Variants in LUZP2 observed in about 807,000 individuals in gnomAD.
The protein encoded by LUZP2 is leucine zipper protein 2.
A neutral mutation model predicts 51.6 loss-of-function variants in LUZP2; 52 were observed. The observed-to-expected ratio is 1.01, with a 90% CI of 0.81 to 1.27. The LOEUF is 1.27. Ranked by LOEUF, LUZP2 falls within the 50% of genes most tolerant of loss-of-function variation. The probability of loss-of-function intolerance (pLI) is 0.00; values close to 1 mark genes in which losing one functional copy is unlikely to be tolerated. For missense variants in LUZP2, 436 were observed against 395.4 expected (o/e 1.10, Z -0.87); for synonymous variants, 154 against 137.3 (o/e 1.12, Z -0.85).
chr11:24,555,139 C>T (rs146875479), intron 1 of LUZP2, among the ~76,000 whole-genome samples: 62 of 151,876 alleles, frequency 4.1e-4, no homozygotes, highest in African/African-American at 1.4e-3. Flanking sequence ...CAGCTTATTT[C>T]GAGAAATATT....
At position 24,732,273 on chromosome 11, in the gene LUZP2, T is replaced by C. The variant is rs184299284; in HGVS notation, c.251+85T>C. 9.6e-5 allele frequency: 89 copies of C among 925,842 alleles called. 1 individual carries two copies. In the Middle Eastern group the frequency reaches 1.8e-3, roughly 19 times the overall value. The allele number at this position is 925,842 out of a possible 1,614,324, so 57.4% of individuals were successfully genotyped here. ...CTTCACAAAATTTATTGATTCTAAA[T>C]ATATGAACCTATTTATCTTTTCACT... On this transcript the variant is annotated intron_variant, in intron 3 of 11. Transcript: ENST00000336930.
intron 10 of LUZP2, among the ~76,000 whole-genome samples, chr11:25,057,205 T>C (rs891349752): frequency 2.0e-5 from 3 of 152,178 alleles, no homozygotes; most frequent in Non-Finnish European, 4.4e-5. Flanking sequence ...GAAGTTTTAA[T>C]ACTCAAAGTC....
In LUZP2 at chr11:24,666,584, G is replaced by A. The variant is rs548645704; in HGVS notation, c.63-62585G>A. On this transcript the variant is annotated intron_variant, in intron 1 of 11. Coordinates refer to ENST00000336930, the MANE Select transcript of LUZP2 (RefSeq NM_001009909.4). Reference sequence around the variant, plus strand: ...ATGAATGCAGGAGCTATTCTCAGACGATTTCATTTTCTAGCATTATCTATA... The same window carrying A: ...ATGAATGCAGGAGCTATTCTCAGACAATTTCATTTTCTAGCATTATCTATA... 7.9e-5 allele frequency among the ~76,000 whole-genome samples: 12 copies of A among 152,156 alleles called. No homozygotes were observed. In the East Asian group the frequency reaches 1.7e-3, roughly 22 times the overall value.
intron 1 of LUZP2, among the ~76,000 whole-genome samples, chr11:24,714,963 C>G (rs575388605): frequency 2.6e-5 from 4 of 152,146 alleles, no homozygotes; most frequent in Non-Finnish European, 1.5e-5. Context: ...CACACTTTAA[C>G]TAAAGACTCT....
chr11:24,746,387 C>G (rs919568504), intron 4 of LUZP2, among the ~76,000 whole-genome samples: 2 of 152,156 alleles, frequency 1.3e-5, no homozygotes, highest in African/African-American at 4.8e-5. Context: ...GGCCCCAATC[C>G]TTCTAGCTTG....
At position 24,793,086 on chromosome 11, in the gene LUZP2, G is replaced by A. The variant is rs1404130951; in HGVS notation, c.396+29778G>A. 3.9e-5 allele frequency among the ~76,000 whole-genome samples: 6 copies of A among 152,180 alleles called. No individual in the cohort carries two copies. The East Asian group carries it at 9.7e-4, about 24-fold the overall frequency. Reference sequence around the variant, plus strand: ...TTAACTGTGGATTTGTTTCTTCATAGTACTTTATTTAGATGTTTAGTAGAG... The same window carrying A: ...TTAACTGTGGATTTGTTTCTTCATAATACTTTATTTAGATGTTTAGTAGAG... On this transcript the variant is annotated intron_variant, in intron 5 of 11. Coordinates refer to ENST00000336930, the MANE Select transcript of LUZP2 (RefSeq NM_001009909.4).
At chr11:25,045,413 C>T (rs4923234) in intron 9 of LUZP2, among the ~76,000 whole-genome samples, 71,940 of 150,792 alleles carry the variant, frequency 0.48, 17,434 homozygotes, top group Non-Finnish European at 0.51. Context: ...AAAGTTACAC[C>T]GTCATTCTTT....
chr11:25,057,812 A>G (rs182286547), intron 10 of LUZP2, among the ~76,000 whole-genome samples: 55 of 152,130 alleles, frequency 3.6e-4, no homozygotes, highest in South Asian at 2.7e-3. Context: ...AAGGGAGTCT[A>G]TTCAACATAA....
chr11:24,619,096 G>A (rs185803168), intron 1 of LUZP2, among the ~76,000 whole-genome samples: 43 of 151,872 alleles, frequency 2.8e-4, no homozygotes, highest in Middle Eastern at 6.8e-3. Flanking sequence ...TGGCATGATC[G>A]TAGCTCACTG....
At chr11:24,501,717 C>A (rs1367765172) in intron 1 of LUZP2, among the ~76,000 whole-genome samples, 1 of 152,092 alleles carries the variant, frequency 6.6e-6, no homozygotes, top group African/African-American at 2.4e-5. Context: ...AATGTGCCTG[C>A]TATCAGTCAG....
At chr11:24,964,661 C>T (rs10834558) in intron 7 of LUZP2, among the ~76,000 whole-genome samples, 56,445 of 151,852 alleles carry the variant, frequency 0.37, 12,665 homozygotes, top group East Asian at 0.7. Context: ...CTAGCAATTA[C>T]TACCTCCTAG....
intron 4 of LUZP2, among the ~76,000 whole-genome samples, chr11:24,761,200 G>A (rs1859965954): frequency 6.6e-6 from 1 of 152,114 alleles, no homozygotes; most frequent in Admixed American, 6.6e-5. Context: ...AGCATAGCTG[G>A]GGAGGTCTCA....
chr11:24,667,778 C>T (rs533139416), intron 1 of LUZP2, among the ~76,000 whole-genome samples: 1 of 152,272 alleles, frequency 6.6e-6, no homozygotes, highest in East Asian at 1.9e-4. Flanking sequence ...TGGAATTCAG[C>T]AAGGGCTTGG....
intron 5 of LUZP2, chr11:24,891,675 T>A (rs1852858033): frequency 1.3e-6 from 1 of 769,464 alleles, no homozygotes; most frequent in African/African-American, 1.9e-5. Context: ...GGAATAACAC[T>A]GTACTTGTTC....
At chr11:24,638,733 T>C (rs1462337331) in intron 1 of LUZP2, among the ~76,000 whole-genome samples, 1 of 151,546 alleles carries the variant, frequency 6.6e-6, no homozygotes, top group African/African-American at 2.4e-5. Flanking sequence ...TAAAAATAAT[T>C]TAAAAATAGG....
intron 5 of LUZP2, among the ~76,000 whole-genome samples, chr11:24,856,376 A>G (rs1851565891): frequency 6.6e-6 from 1 of 152,106 alleles, no homozygotes; most frequent in South Asian, 2.1e-4. Flanking sequence ...ATTAAAACCA[A>G]AATGAGATAC....
At chr11:24,721,595 C>G (rs1590398638) in intron 1 of LUZP2, among the ~76,000 whole-genome samples, 1 of 152,162 alleles carries the variant, frequency 6.6e-6, no homozygotes, top group South Asian at 2.1e-4. Flanking sequence ...AAGCGATGCA[C>G]AAATGTAAGT....
At position 24,566,332 on chromosome 11, in the gene LUZP2, T is replaced by TTA. The variant is rs1554955949; in HGVS notation, c.62+69028_62+69029insAT. 5.9e-3 allele frequency among the ~76,000 whole-genome samples: 778 copies of TTA among 132,614 alleles called. 21 individuals are homozygous for TTA. In the East Asian group the frequency reaches 0.083, roughly 14 times the overall value. The allele number at this position is 132,614 out of a possible 152,430, so 87.0% of individuals were successfully genotyped here. A position where few individuals can be genotyped will look rare whatever the true frequency, so the allele number is the denominator to read the frequency against. On this transcript the variant is annotated intron_variant, in intron 1 of 11. Transcript: ENST00000336930. ...TTTATTGTATTATTTATTTATTTTT[T>TTA]TTTTTTTTTTTTTTTTGAGACGTAG...
intron 9 of LUZP2, among the ~76,000 whole-genome samples, chr11:25,005,621 T>C (rs1439801383): frequency 6.6e-6 from 1 of 152,092 alleles, no homozygotes; most frequent in Non-Finnish European, 1.5e-5. Flanking sequence ...GGTTTTGGTT[T>C]GTTTGTTTCC....
Sources: allele counts gnomAD v4.1 joint callset (sites outside exome capture counted in the v4.1 genomes callset), GRCh38; gene constraint gnomAD v4.1.1; transcripts MANE v1.5; gene names NCBI Gene and HGNC (gene_info 2026-07-23, HGNC 2026-07-21).